The following PPP1R1A variants were observed in gnomAD, a reference collection of about 807,000 sequenced individuals.
PPP1R1A encodes protein phosphatase 1 regulatory inhibitor subunit 1A.
A neutral mutation model predicts 23.9 loss-of-function variants in PPP1R1A; 18 were observed. The ratio of observed to expected loss-of-function variants is 0.75; its 90% CI spans 0.52 to 1.12. PPP1R1A has a LOEUF of 1.12. PPP1R1A is among the 50% of genes most tolerant of loss of function. The pLI is 0.00. For missense variants in PPP1R1A, 207 were observed against 223.8 expected (o/e 0.92, Z 0.48); for synonymous variants, 84 against 80.7 (o/e 1.04, Z -0.22).
rs532570914 is a variant in PPP1R1A, at chr12:54,580,310, G to T, written c.*77C>A. ...TAAAAACAAGAGATTTTCCCCAAAAGTGAAGGAATAAGAAACAAATCCGGT... is the reference window on the plus strand; with the variant it reads ...TAAAAACAAGAGATTTTCCCCAAAATTGAAGGAATAAGAAACAAATCCGGT... On this transcript the variant is annotated 3_prime_UTR_variant, in exon 7 of 7. Coordinates refer to ENST00000257905, the MANE Select transcript of PPP1R1A (RefSeq NM_006741.4). 18 of 1,600,084 alleles carry T rather than the reference G, an allele frequency of 1.1e-5. No individual in the cohort carries two copies. The South Asian group carries it at 2.0e-4, about 18-fold the overall frequency.
chr12:54,585,443 G>C (rs1194510133), intron 1 of PPP1R1A, among the ~76,000 whole-genome samples: 2 of 152,148 alleles, frequency 1.3e-5, no homozygotes, highest in Admixed American at 6.5e-5. Context: ...TGTTGTTGAA[G>C]TCAGTTCAAG....
At chr12:54,587,437 G>A (rs1285940241) in intron 1 of PPP1R1A, among the ~76,000 whole-genome samples, 1 of 152,170 alleles carries the variant, frequency 6.6e-6, no homozygotes. Context: ...AGGCAAATAA[G>A]CAAATATTTG....
intron 1 of PPP1R1A, among the ~76,000 whole-genome samples, chr12:54,584,779 T>A (rs1351731735): frequency 6.6e-6 from 1 of 151,834 alleles, no homozygotes; most frequent in Non-Finnish European, 1.5e-5. Context: ...AGGGTGAACA[T>A]CCCTGGGCTC....
chr12:54,580,369 A>G lies in PPP1R1A; in HGVS notation c.*18T>C, dbSNP rs777174457. On this transcript the variant is annotated 3_prime_UTR_variant, in exon 7 of 7. Coordinates refer to ENST00000257905, the MANE Select transcript of PPP1R1A (RefSeq NM_006741.4). ...ATTCCCAAACTGCAGTCTTGATCCC[A>G]AGATACCTCCTCCTCTCTCAGACCT... The G allele has an allele frequency of 2.8e-5, 45 of 1,613,506 alleles. No individual in the cohort carries two copies. Among genetic ancestry groups the G allele is most frequent in the Admixed American group, 1.2e-4 (7 of 59,984 alleles).
Position 54,580,333 on chromosome 12 carries a change from G to T in PPP1R1A, c.*54C>A. 1 of 1,609,782 alleles carries T rather than the reference G, an allele frequency of 6.2e-7. No individual in the cohort carries two copies. Among genetic ancestry groups the T allele is most frequent in the South Asian group, 1.1e-5 (1 of 90,434 alleles). ...AAGTGAAGGAATAAGAAACAAATCC[G>T]GTGTCCATGCATTCCCAAACTGCAG... On this transcript the variant is annotated 3_prime_UTR_variant, in exon 7 of 7. Coordinates refer to ENST00000257905, the MANE Select transcript of PPP1R1A (RefSeq NM_006741.4).
At chr12:54,583,544 T>C (rs1200689118) in intron 2 of PPP1R1A, among the ~76,000 whole-genome samples, 1 of 152,168 alleles carries the variant, frequency 6.6e-6, no homozygotes, top group African/African-American at 2.4e-5. Context: ...CTGTAGTCTT[T>C]TTGCTTTTTT....
chr12:54,587,298 T>C (rs1249683), intron 1 of PPP1R1A, among the ~76,000 whole-genome samples: 3 of 152,180 alleles, frequency 2.0e-5, no homozygotes, highest in Non-Finnish European at 2.9e-5. Context: ...TTTTTCAGGT[T>C]GGGGGTGGCC....
In PPP1R1A at chr12:54,586,680, C is replaced by A. The variant is rs559713916; in HGVS notation, c.84+1725G>T. Among the ~76,000 whole-genome samples the A allele has an allele frequency of 2.6e-5, 4 of 152,278 alleles. No individual in the cohort carries two copies. In the East Asian group the frequency reaches 7.7e-4, roughly 29 times the overall value. The stretch of plus-strand genomic sequence containing the variant: ...AATTCTGAAGATTAGTGAAAGTAGG[C>A]CCAAGTCCCGGCTCTCTTTTTTCCC... On this transcript the variant is annotated intron_variant, in intron 1 of 6. Coordinates refer to ENST00000257905, the MANE Select transcript of PPP1R1A (RefSeq NM_006741.4).
chr12:54,582,716 G>C lies in PPP1R1A; in HGVS notation c.247+16C>G, dbSNP rs1406136120. On this transcript the variant is annotated intron_variant, in intron 4 of 6. Transcript: ENST00000257905. ...AGGCACAGAGGAGAAAAAGGGATGG[G>C]AGGGGTCTTGCAAACCTTTCATTGT... 1 of 1,612,866 alleles carries C rather than the reference G, an allele frequency of 6.2e-7. No individual in the cohort carries two copies. The highest frequency in any genetic ancestry group is 2.2e-5 in the East Asian group (1 of 44,882).
chr12:54,580,621 GCC>G (rs1957845728), intron 6 of PPP1R1A, among the ~76,000 whole-genome samples: 1 of 152,208 alleles, frequency 6.6e-6, no homozygotes, highest in African/African-American at 2.4e-5. Flanking sequence ...GAGAGCCACT[GCC>G]CACTTCAGCT....
At chr12:54,584,799 C>T (rs1406963657) in intron 1 of PPP1R1A, among the ~76,000 whole-genome samples, 3 of 152,070 alleles carry the variant, frequency 2.0e-5, no homozygotes, top group African/African-American at 7.2e-5. Flanking sequence ...CCTCCCCCTC[C>T]CCTGGGGAGA....
At position 54,584,283 on chromosome 12, in the gene PPP1R1A, A is replaced by C. The variant is rs1395853497; in HGVS notation, c.122T>G (p.Leu41Arg). 5.0e-6 allele frequency: 8 copies of C among 1,605,016 alleles called. No homozygotes were observed. Among genetic ancestry groups the C allele is most frequent in the Non-Finnish European group, 6.8e-6 (8 of 1,176,194 alleles). The change falls in exon 2 of 7, where the codon CTG becomes CGG. Residue 41 changes from leucine (L) to arginine (R), a missense_variant. Physicochemically the swap from Leu to Arg is moderately radical, Grantham distance 102. Coordinates refer to ENST00000257905, the MANE Select transcript of PPP1R1A (RefSeq NM_006741.4). ...ACCTGGGGATGACTGGTCACTGGTC[A>C]GCACGAGGGTGGCAGGGGTGGGGCG... is the stretch of plus-strand genomic sequence containing the variant. ...RRRPTPATLV[L>R]TSDQSSPEID...
rs1489290485 is a variant in PPP1R1A at position 54,584,315 on chromosome 12, C to T, written c.90G>A (p.Arg30=). The change falls in exon 2 of 7, where the codon CGG becomes CGA. Residue 30 remains arginine, a synonymous_variant. Coordinates refer to ENST00000257905, the MANE Select transcript of PPP1R1A (RefSeq NM_006741.4). The stretch of plus-strand genomic sequence containing the variant: ...GGGTGGCAGGGGTGGGGCGGCGCCT[C>T]CGAATCTGAGGGAAGGTGGGAAATG... ...HLDPEAAEQI[R]RRRPTPATLV... is the part of the protein sequence containing the mutation. 6.2e-7 allele frequency: 1 copy of T among 1,600,446 alleles called. No individual in the cohort carries two copies. The highest frequency in any genetic ancestry group is 8.5e-7 in the Non-Finnish European group (1 of 1,174,000).
rs959056690 is a variant in PPP1R1A at position 54,579,425 on chromosome 12, A to T, written c.*962T>A. On this transcript the variant is annotated 3_prime_UTR_variant, in exon 7 of 7. Transcript: ENST00000257905. ...CGAGGGCTCATAGTAGCTGCATGGC[A>T]GAAGTGGGACCTGACGCTTCTCAGG... is the stretch of plus-strand genomic sequence containing the variant. 1 of 985,322 alleles carries T rather than the reference A, an allele frequency of 1.0e-6. No individual in the cohort carries two copies. The highest frequency in any genetic ancestry group is 1.7e-5 in the African/African-American group (1 of 57,222). The allele number at this position is 985,322 out of a possible 1,614,324, so 61.0% of individuals were successfully genotyped here. A position where few individuals can be genotyped will look rare whatever the true frequency, so the allele number is the denominator to read the frequency against.
At position 54,579,472 on chromosome 12, in the gene PPP1R1A, A is replaced by C. The variant is rs543930937; in HGVS notation, c.*915T>G. On this transcript the variant is annotated 3_prime_UTR_variant, in exon 7 of 7. Transcript: ENST00000257905. ...CAGGCTCTGCTCTTGCCTCTGTACC[A>C]CATGCTTCAGCAGGGAGGGGGAAAG... 1 of 985,246 alleles carries C rather than the reference A, an allele frequency of 1.0e-6. No individual in the cohort carries two copies. Among genetic ancestry groups the C allele is most frequent in the African/African-American group, 1.7e-5 (1 of 57,188 alleles). The allele number at this position is 985,246 out of a possible 1,614,324, so 61.0% of individuals were successfully genotyped here. A position where few individuals can be genotyped will look rare whatever the true frequency, so the allele number is the denominator to read the frequency against.
intron 1 of PPP1R1A, 105 bp from the exon 2 acceptor site, chr12:54,584,425 A>G (rs1957888931): frequency 2.8e-6 from 3 of 1,087,258 alleles, no homozygotes; most frequent in South Asian, 3.3e-5. Flanking sequence ...TACTTAACAC[A>G]CCTCAAAAAA....
At chr12:54,583,507 A>C (rs575750799) in intron 2 of PPP1R1A, among the ~76,000 whole-genome samples, 1 of 152,306 alleles carries the variant, frequency 6.6e-6, no homozygotes, top group East Asian at 1.9e-4. Context: ...TCTTTGCCTC[A>C]GACCTGGAGA....
Position 54,580,135 on chromosome 12 carries a change from T to C in PPP1R1A, c.*252A>G, listed in dbSNP as rs758477664. ...AGAACTCTTCCCTGCTCAAGGCTTCTGCCTAGCTCCTGTTTCTTCCTTCCC... is the reference window on the plus strand; with the variant it reads ...AGAACTCTTCCCTGCTCAAGGCTTCCGCCTAGCTCCTGTTTCTTCCTTCCC... On this transcript the variant is annotated 3_prime_UTR_variant, in exon 7 of 7. Coordinates refer to ENST00000257905, the MANE Select transcript of PPP1R1A (RefSeq NM_006741.4). 1.7e-5 allele frequency: 22 copies of C among 1,301,674 alleles called. No homozygotes were observed. Among genetic ancestry groups the C allele is most frequent in the Non-Finnish European group, 2.2e-5 (22 of 1,019,622 alleles). 80.6% of individuals were successfully genotyped at this position (1,301,674 alleles called of 1,614,324 possible).
Position 54,580,411 on chromosome 12 carries a change from G to T in PPP1R1A, c.511-19C>A. 3 of 1,608,014 alleles carry T rather than the reference G, an allele frequency of 1.9e-6. No homozygotes were observed. The South Asian group carries it at 3.3e-5, about 18-fold the overall frequency. On this transcript the variant is annotated intron_variant, in intron 6 of 6. Transcript: ENST00000257905. Reference sequence around the variant, plus strand: ...CTCAGACCTGTTATGGGGGAAAGGGGACAGAAAGAGAAGGTGAGAGGCCAG... The same window carrying T: ...CTCAGACCTGTTATGGGGGAAAGGGTACAGAAAGAGAAGGTGAGAGGCCAG...
Sources: allele counts gnomAD v4.1 joint callset (sites outside exome capture counted in the v4.1 genomes callset), GRCh38; gene constraint gnomAD v4.1.1; transcripts MANE v1.5; gene names NCBI Gene and HGNC (gene_info 2026-07-23, HGNC 2026-07-21).